TECTA: variants seen among roughly 807,000 people sequenced by gnomAD.
The protein encoded by TECTA is tectorin alpha.
A neutral mutation model predicts 216.8 loss-of-function variants in TECTA; 128 were observed. The ratio of observed to expected loss-of-function variants is 0.59; its 90% CI spans 0.51 to 0.68. The LOEUF is 0.68. Among genes scored for constraint, TECTA ranks in the 30% least tolerant of loss-of-function variants. The pLI is 0.00. For synonymous variants in TECTA, 1,089 were observed against 1,117.1 expected, an observed-to-expected ratio of 0.97 and a Z score of 0.50; for missense variants, 2,551 against 2,786.2, an observed-to-expected ratio of 0.92 and a Z score of 1.90.
chr11:121,134,880 C>A (rs1197811082), intron 10 of TECTA, among the ~76,000 whole-genome samples: 2 of 151,982 alleles, frequency 1.3e-5, no homozygotes, highest in Admixed American at 6.5e-5. Context: ...TGTTTCCCTG[C>A]ATGTGACAGC....
chr11:121,190,071 C>A lies in TECTA; in HGVS notation c.6367+191C>A, dbSNP rs188920109. ...CATTAAACAAACAAACAAACAACAACAACAAAAAAACCTTGCTCTTTCATC... is the reference window on the plus strand; with the variant it reads ...CATTAAACAAACAAACAAACAACAAAAACAAAAAAACCTTGCTCTTTCATC... On this transcript the variant is annotated intron_variant, in intron 23 of 23. Transcript: ENST00000392793. 7.9e-3 allele frequency: 4,735 copies of A among 600,018 alleles called. 56 individuals are homozygous for A. Among genetic ancestry groups the A allele is most frequent in the Non-Finnish European group, 6.5e-3 (2,206 of 338,796 alleles). 37.2% of individuals were successfully genotyped at this position (600,018 alleles called of 1,614,324 possible).
rs1468159999 is a variant in TECTA, at chr11:121,152,962, G to A, written c.4187G>A (p.Ser1396Asn). 6.2e-7 allele frequency: 1 copy of A among 1,613,906 alleles called. No individual in the cohort carries two copies. Among genetic ancestry groups the A allele is most frequent in the African/African-American group, 1.3e-5 (1 of 74,942 alleles). ...CGCTGCGCCGCCATCCGCCTGAAGA[G>A]TGACTGCAGCCACTACTGCGTGGAG... ...QPRCAAIRLK[S>N]DCSHYCVEGC... The change falls in exon 13 of 24, where the codon AGT (serine) becomes AAT (asparagine). Residue 1396 changes from serine to asparagine, a missense_variant. Physicochemically the swap from Ser to Asn is conservative, Grantham distance 46 (BLOSUM62 1). Around this residue, in one of 3 missense-constraint regions of TECTA, gnomAD observed 2,375 missense variants for 2,563.9 expected, o/e 0.93. Transcript: ENST00000392793.
chr11:121,162,026 T>A (rs370266158), intron 15 of TECTA, 49 bp from the exon 16 acceptor site: 4 of 1,611,332 alleles, frequency 2.5e-6, no homozygotes, highest in Non-Finnish European at 3.4e-6. Context: ...CAATTTACCT[T>A]CCATTGGAGA....
rs371295280 is a variant in TECTA at position 121,102,776 on chromosome 11, A to G, written c.64+47A>G. The G allele has an allele frequency of 5.2e-6, 8 of 1,538,380 alleles. No individual in the cohort carries two copies. The African/African-American group carries it at 1.1e-4, about 21-fold the overall frequency. On this transcript the variant is annotated intron_variant, in intron 2 of 23. Coordinates refer to ENST00000392793, the MANE Select transcript of TECTA (RefSeq NM_005422.4). The stretch of plus-strand genomic sequence containing the variant: ...AAAGCTCTCAGTTAGCATGCTCTTG[A>G]ATTGATAAAGAGACACTTTTATTGG...
chr11:121,140,633 C>T (rs560365), intron 11 of TECTA, among the ~76,000 whole-genome samples: 72,648 of 152,054 alleles, frequency 0.48, 19,281 homozygotes, highest in African/African-American at 0.72. Flanking sequence ...TCACACTCCC[C>T]GTGAGGTCCT....
intron 9 of TECTA, among the ~76,000 whole-genome samples, chr11:121,129,127 T>C (rs2135083335): frequency 6.6e-6 from 1 of 152,354 alleles, no homozygotes. Flanking sequence ...GGGATGTGTT[T>C]TTATTCTCAT....
At chr11:121,137,325 A>C (rs1946739167) in intron 10 of TECTA, 96 bp from the exon 11 acceptor site, 1 of 1,530,810 alleles carries the variant, frequency 6.5e-7, no homozygotes, top group Non-Finnish European at 9.0e-7. Flanking sequence ...TGCACTCACA[A>C]ACACACATGC....
intron 13 of TECTA, among the ~76,000 whole-genome samples, chr11:121,155,984 T>C (rs959975083): frequency 6.6e-6 from 1 of 152,232 alleles, no homozygotes; most frequent in Non-Finnish European, 1.5e-5. Flanking sequence ...CAGTTGAGGA[T>C]ACGCTATGTT....
chr11:121,131,069 C>T (rs1053157304), intron 10 of TECTA, among the ~76,000 whole-genome samples: 10 of 151,998 alleles, frequency 6.6e-5, no homozygotes, highest in African/African-American at 2.4e-4. Flanking sequence ...AAAAAATTAG[C>T]CGGGCGTGGT....
rs1278198713 is a variant in TECTA at position 121,160,368 on chromosome 11, G to A, written c.4923G>A (p.Val1641=). The change falls in exon 15 of 24, where the codon GTG becomes GTA. Residue 1641 remains valine (V), a synonymous_variant. Coordinates refer to ENST00000392793, the MANE Select transcript of TECTA (RefSeq NM_005422.4). ...DDYVTLRGKP[V]VSSVVLAQSW... ...ATGTGACCTTGCGAGGGAAGCCGGT[G>A]GTAAGCAGCGTGGTGCTGGCCCAGA... 2.5e-6 allele frequency: 4 copies of A among 1,613,576 alleles called. No individual in the cohort carries two copies. Among genetic ancestry groups the A allele is most frequent in the Non-Finnish European group, 3.4e-6 (4 of 1,180,010 alleles).
chr11:121,120,542 C>T (rs552523376), intron 7 of TECTA, among the ~76,000 whole-genome samples: 1 of 152,188 alleles, frequency 6.6e-6, no homozygotes, highest in African/African-American at 2.4e-5. Flanking sequence ...CATGCTGTGC[C>T]AGACCAGAAA....
chr11:121,121,302 T>G (rs186437378), intron 7 of TECTA, among the ~76,000 whole-genome samples: 1 of 152,322 alleles, frequency 6.6e-6, no homozygotes, highest in Admixed American at 6.5e-5. Context: ...TGTGCCTCCG[T>G]GACTCCACTT....
intron 11 of TECTA, among the ~76,000 whole-genome samples, chr11:121,144,344 G>A (rs1459280879): frequency 6.6e-6 from 1 of 152,162 alleles, no homozygotes; most frequent in East Asian, 1.9e-4. Context: ...CAATCCTGGG[G>A]CCAGGGGGAC....
At chr11:121,132,294 C>G (rs1946682193) in intron 10 of TECTA, among the ~76,000 whole-genome samples, 1 of 152,172 alleles carries the variant, frequency 6.6e-6, no homozygotes, top group African/African-American at 2.4e-5. Flanking sequence ...TTGTTTTATG[C>G]TCAAATTGTT....
intron 20 of TECTA, among the ~76,000 whole-genome samples, chr11:121,169,477 C>G (rs1409993912): frequency 6.6e-6 from 1 of 152,146 alleles, no homozygotes; most frequent in South Asian, 2.1e-4. Flanking sequence ...GTAGACCAAC[C>G]ACAATAATTA....
chr11:121,121,644 C>G (rs142863206), intron 7 of TECTA, among the ~76,000 whole-genome samples: 389 of 152,290 alleles, frequency 2.6e-3, no homozygotes, highest in Middle Eastern at 0.01. Flanking sequence ...GGTGTCAGGT[C>G]AGCCTGAGTG....
In TECTA at chr11:121,137,425, G is replaced by C. The variant is rs983151610; in HGVS notation, c.2946G>C (p.Leu982=). ...GPWRTYDFCP[L]ECPENSHFEE... ...CTTCTCCTTGACCACCTGCAGCACT[G>C]GAGTGCCCAGAGAACAGCCACTTTG... The change falls in exon 11 of 24, where the codon CTG becomes CTC. Residue 982 remains leucine (L), a synonymous_variant. Transcript: ENST00000392793. The C allele has an allele frequency of 1.2e-6, 2 of 1,613,698 alleles. No individual in the cohort carries two copies. The highest frequency in any genetic ancestry group is 1.7e-6 in the Non-Finnish European group (2 of 1,179,994).
At chr11:121,166,460 C>G (rs943229672) in intron 17 of TECTA, 118 bp from the exon 18 acceptor site, 1 of 976,774 alleles carries the variant, frequency 1.0e-6, no homozygotes. Context: ...AATGCTGCAG[C>G]CTTGGAGTGG....
intron 11 of TECTA, among the ~76,000 whole-genome samples, chr11:121,140,501 G>A (rs1946773795): frequency 6.6e-6 from 1 of 152,204 alleles, no homozygotes; most frequent in South Asian, 2.1e-4. Context: ...GAGGGGAGGT[G>A]TGAATTAGTT....
Sources: allele counts gnomAD v4.1 joint callset (sites outside exome capture counted in the v4.1 genomes callset), GRCh38; gene constraint gnomAD v4.1.1; regional missense constraint gnomAD v4.1.1; transcripts MANE v1.5; gene names NCBI Gene and HGNC (gene_info 2026-07-23, HGNC 2026-07-21).